The following MLPH variants were observed in gnomAD, a reference collection of about 807,000 sequenced individuals.
The protein encoded by MLPH is exophilin-3.
A neutral mutation model predicts 72.1 loss-of-function variants in MLPH; 51 were observed. The observed-to-expected ratio is 0.71, with a 90% CI of 0.56 to 0.89. The LOEUF is 0.89. Among genes scored for constraint, MLPH ranks in the 40% least tolerant of loss-of-function variants. The probability of loss-of-function intolerance (pLI) is 0.00; values close to 1 mark genes in which losing one functional copy is unlikely to be tolerated. For missense variants in MLPH, 743 were observed against 759.9 expected, an observed-to-expected ratio of 0.98 and a Z score of 0.26; for synonymous variants, 301 against 310.1, an observed-to-expected ratio of 0.97 and a Z score of 0.31.
chr2:237,552,281 T>C (rs2081054814), intron 14 of MLPH, 56 bp from the exon 15 acceptor site: 2 of 1,506,994 alleles, frequency 1.3e-6, no homozygotes, highest in Non-Finnish European at 1.8e-6. Context: ...AAGGCACTTG[T>C]TTGGGCTAAG....
At chr2:237,517,033 AT>A (rs2080049017) in intron 4 of MLPH, among the ~76,000 whole-genome samples, 5 of 103,674 alleles carry the variant, frequency 4.8e-5, no homozygotes, top group African/African-American at 2.3e-4. Context: ...GGATGGATGG[AT>A]GGATGGATAG....
At chr2:237,527,833 A>G (rs1375301474) in intron 8 of MLPH, 1 of 422,290 alleles carries the variant, frequency 2.4e-6, no homozygotes, top group African/African-American at 2.0e-5. Flanking sequence ...GCAACCCCGT[A>G]TCCATAGCAG....
At chr2:237,532,915 G>T (rs992560759) in intron 8 of MLPH, among the ~76,000 whole-genome samples, 5 of 152,168 alleles carry the variant, frequency 3.3e-5, no homozygotes, top group Non-Finnish European at 7.3e-5. Context: ...CAGGCAATCC[G>T]CTGAGAGATT....
intron 2 of MLPH, among the ~76,000 whole-genome samples, chr2:237,507,043 T>C (rs1380136080): frequency 6.6e-6 from 1 of 150,856 alleles, no homozygotes; most frequent in Non-Finnish European, 1.5e-5. Flanking sequence ...GTAGTTTTTT[T>C]CCTTTTTCTT....
chr2:237,540,248 C>A, intron 9 of MLPH, 100 bp from the exon 10 acceptor site: 1 of 1,351,866 alleles, frequency 7.4e-7, no homozygotes, highest in South Asian at 1.3e-5. Context: ...AGCAGGAACC[C>A]CAGGTGTGCT....
At chr2:237,553,519 CTGTG>C in intron 15 of MLPH, 43 bp from the exon 16 acceptor site, 1 of 1,580,726 alleles carries the variant, frequency 6.3e-7, no homozygotes, top group Non-Finnish European at 8.7e-7. Context: ...TGTTACATGC[CTGTG>C]TATGTGTGTG....
chr2:237,540,985 G>A, intron 11 of MLPH, 28 bp downstream of exon 11: 2 of 1,584,740 alleles, frequency 1.3e-6, no homozygotes, highest in Non-Finnish European at 8.6e-7. Context: ...GGGGAGCACT[G>A]AGTTCCACAA....
chr2:237,501,692 C>CA lies in MLPH; in HGVS notation c.110+8163dup, dbSNP rs566191064. ...AAAAAAAAAAAAAAAAAAAAAAATA[C>CA]AAAAAAATTAGCCAGGCATGGTGGC... On this transcript the variant is annotated intron_variant, in intron 2 of 15. Coordinates refer to ENST00000264605, the MANE Select transcript of MLPH (RefSeq NM_024101.7). Among the ~76,000 whole-genome samples, 311 of 106,572 alleles carry CA rather than the reference C, an allele frequency of 2.9e-3. 3 individuals carry two copies. Among genetic ancestry groups the CA allele is most frequent in the African/African-American group, 8.6e-3 (292 of 33,792 alleles). The allele number at this position is 106,572 out of a possible 152,430, so 69.9% of individuals were successfully genotyped here.
chr2:237,514,222 AC>A, intron 4 of MLPH, among the ~76,000 whole-genome samples: 1 of 151,652 alleles, frequency 6.6e-6, no homozygotes, highest in South Asian at 2.1e-4. Flanking sequence ...GGGTCTTATG[AC>A]CTAAAGTCAA....
In MLPH at chr2:237,525,909, T is replaced by C. The variant is rs1226592232; in HGVS notation, c.880+104T>C. 5.3e-6 allele frequency: 6 copies of C among 1,124,798 alleles called. No individual in the cohort carries two copies. The African/African-American group carries it at 6.1e-5, about 12-fold the overall frequency. The allele number at this position is 1,124,798 out of a possible 1,614,324, so 69.7% of individuals were successfully genotyped here. A position where few individuals can be genotyped will look rare whatever the true frequency, so the allele number is the denominator to read the frequency against. On this transcript the variant is annotated intron_variant, in intron 7 of 15. Coordinates refer to ENST00000264605, the MANE Select transcript of MLPH (RefSeq NM_024101.7). ...GACCTATCCAACACACGGGCTGATTTGAAAGGCCCCTTCCTTTGGCGTGAT... is the reference window on the plus strand; with the variant it reads ...GACCTATCCAACACACGGGCTGATTCGAAAGGCCCCTTCCTTTGGCGTGAT...
At chr2:237,550,610 C>T (rs181783321) in intron 14 of MLPH, among the ~76,000 whole-genome samples, 5 of 152,252 alleles carry the variant, frequency 3.3e-5, no homozygotes, top group African/African-American at 9.6e-5. Flanking sequence ...AGTGCAATGG[C>T]GTGATCTCAG....
At chr2:237,513,355 A>G (rs2079948067) in intron 4 of MLPH, among the ~76,000 whole-genome samples, 1 of 152,142 alleles carries the variant, frequency 6.6e-6, no homozygotes, top group Admixed American at 6.5e-5. Flanking sequence ...CTGGGCACCC[A>G]GTCCCCCTAC....
chr2:237,553,072 G>T (rs577187670), intron 15 of MLPH: 1 of 468,290 alleles, frequency 2.1e-6, no homozygotes, highest in African/African-American at 2.0e-5. Flanking sequence ...TTTTCCCATT[G>T]GTTACTTGGT....
intron 6 of MLPH, among the ~76,000 whole-genome samples, chr2:237,524,321 A>ATATATATATAT (rs1559357447): frequency 9.6e-5 from 14 of 146,198 alleles, no homozygotes; most frequent in East Asian, 4.0e-4. Context: ...ATATATATAT[A>ATATATATATAT]AAGGGGAGTT....
rs76432809 is a variant in MLPH at position 237,542,079 on chromosome 2, G to T, written c.1447-488G>T. Among the ~76,000 whole-genome samples the T allele has an allele frequency of 2.8e-4, 42 of 152,258 alleles. 1 individual carries two copies. In the East Asian group the frequency reaches 8.1e-3, roughly 29 times the overall value. On this transcript the variant is annotated intron_variant, in intron 11 of 15. Transcript: ENST00000264605. ...GGGTGGACGGCAAAGGCCCCTGGGGGCCACTGCAAGGATCTGAGTAGGGGG... is the reference window on the plus strand; with the variant it reads ...GGGTGGACGGCAAAGGCCCCTGGGGTCCACTGCAAGGATCTGAGTAGGGGG...
chr2:237,553,225 A>G, intron 15 of MLPH: 2 of 492,218 alleles, frequency 4.1e-6, no homozygotes, highest in South Asian at 1.6e-5. Context: ...GAGGGGACCA[A>G]TCCGAGGTAC....
chr2:237,550,883 C>A (rs1025455009), intron 14 of MLPH, among the ~76,000 whole-genome samples: 2 of 152,150 alleles, frequency 1.3e-5, no homozygotes, highest in South Asian at 2.1e-4. Context: ...GGACAAGGGG[C>A]GATTCCTTGT....
chr2:237,543,117 C>G lies in MLPH; in HGVS notation c.1539+458C>G, dbSNP rs116222789. On this transcript the variant is annotated intron_variant, in intron 12 of 15. Coordinates refer to ENST00000264605, the MANE Select transcript of MLPH (RefSeq NM_024101.7). ...GTGGGGACAGTGGTGAGTGGGGGTACAGTGGTGAGTGGGCACAGTAGTGAG... is the reference window on the plus strand; with the variant it reads ...GTGGGGACAGTGGTGAGTGGGGGTAGAGTGGTGAGTGGGCACAGTAGTGAG... Among the ~76,000 whole-genome samples the G allele has an allele frequency of 6.7e-4, 33 of 49,264 alleles. 1 individual carries two copies. The highest frequency in any genetic ancestry group is 3.9e-3 in the African/African-American group (30 of 7,768). 32.3% of individuals were successfully genotyped at this position (49,264 alleles called of 152,430 possible). A position where few individuals can be genotyped will look rare whatever the true frequency, so the allele number is the denominator to read the frequency against.
chr2:237,545,202 G>GGGACAGTGGTGAGTGGGA (rs2080884196), intron 12 of MLPH, among the ~76,000 whole-genome samples: 3 of 89,582 alleles, frequency 3.3e-5, no homozygotes, highest in Non-Finnish European at 4.2e-5. Context: ...GTGGTGAGTG[G>GGGACAGTGGTGAGTGGGA]GGACAGTGGT....
Sources: gnomAD v4.1 joint callset for allele counts (sites outside exome capture counted in the v4.1 genomes callset) on GRCh38, gnomAD v4.1.1 for gene constraint, MANE v1.5 for transcripts, NCBI Gene and HGNC (gene_info 2026-07-23, HGNC 2026-07-21) for gene names.